The following ATP8A2 variants were observed in gnomAD, a reference collection of about 807,000 sequenced individuals.
The protein encoded by ATP8A2 is phospholipid-transporting ATPase IB.
ATP8A2 carries 100 observed loss-of-function variants against 165.6 expected under a neutral mutation model. That is an observed-to-expected ratio of 0.60 (90% CI 0.51 to 0.71). The LOEUF is 0.71. Among genes scored for constraint, ATP8A2 ranks in the 30% least tolerant of loss-of-function variants. The probability of loss-of-function intolerance (pLI) is 0.00; values close to 1 mark genes in which losing one functional copy is unlikely to be tolerated. For synonymous variants in ATP8A2, 543 were observed against 548.8 expected, an observed-to-expected ratio of 0.99 and a Z score of 0.15; for missense variants, 1,227 against 1,479.5, an observed-to-expected ratio of 0.83 and a Z score of 2.80.
intron 35 of ATP8A2, among the ~76,000 whole-genome samples, chr13:25,983,999 G>A (rs1472794983): frequency 2.0e-5 from 3 of 151,826 alleles, no homozygotes; most frequent in Admixed American, 6.6e-5. Flanking sequence ...TTGGGAGGCC[G>A]AGGCAGGAGA....
At chr13:25,872,279 G>T (rs1364101282) in intron 33 of ATP8A2, among the ~76,000 whole-genome samples, 1 of 151,910 alleles carries the variant, frequency 6.6e-6, no homozygotes, top group Non-Finnish European at 1.5e-5. Context: ...TTTGCTGCTG[G>T]GTCTCTTATA....
intron 33 of ATP8A2, among the ~76,000 whole-genome samples, chr13:25,931,370 C>T (rs1382565971): frequency 6.6e-6 from 1 of 152,174 alleles, no homozygotes; most frequent in South Asian, 2.1e-4. Context: ...AATCTGAGCT[C>T]CAAAATACCT....
chr13:25,626,863 C>T (rs1343338673), intron 24 of ATP8A2, among the ~76,000 whole-genome samples: 1 of 152,074 alleles, frequency 6.6e-6, no homozygotes, highest in East Asian at 1.9e-4. Context: ...TCTTACATGG[C>T]AGCAGGCAAA....
At chr13:25,986,339 A>T (rs1426080315) in intron 35 of ATP8A2, among the ~76,000 whole-genome samples, 1 of 152,250 alleles carries the variant, frequency 6.6e-6, no homozygotes, top group African/African-American at 2.4e-5. Flanking sequence ...CTGAAAGGTT[A>T]TACCTTTGGC....
intron 25 of ATP8A2, among the ~76,000 whole-genome samples, chr13:25,742,017 A>T (rs2043924065): frequency 6.6e-6 from 1 of 152,242 alleles, no homozygotes; most frequent in Admixed American, 6.5e-5. Context: ...ATGGGGATAC[A>T]TTCTGAGATA....
intron 6 of ATP8A2, among the ~76,000 whole-genome samples, chr13:25,537,206 C>T (rs2038313883): frequency 6.6e-6 from 1 of 152,128 alleles, no homozygotes; most frequent in South Asian, 2.1e-4. Flanking sequence ...GATCCTTTTT[C>T]TGGGAATTTC....
intron 24 of ATP8A2, among the ~76,000 whole-genome samples, chr13:25,625,287 G>A (rs1158464544): frequency 3.3e-5 from 5 of 152,184 alleles, no homozygotes; most frequent in Non-Finnish European, 5.9e-5. Flanking sequence ...AAGAACAAAT[G>A]CAGTTTTTGA....
intron 24 of ATP8A2, among the ~76,000 whole-genome samples, chr13:25,643,637 A>G (rs924822353): frequency 6.6e-6 from 1 of 151,908 alleles, no homozygotes; most frequent in Non-Finnish European, 1.5e-5. Context: ...TTGTGTGAGT[A>G]TCATGTTGTT....
intron 30 of ATP8A2, among the ~76,000 whole-genome samples, chr13:25,859,563 GAA>G (rs71665615): frequency 0.016 from 2,139 of 130,190 alleles, 45 homozygotes; most frequent in African/African-American, 0.051. Flanking sequence ...TCCTTGAAAA[GAA>G]AAAAAAAAAA....
In ATP8A2 at chr13:25,745,064, C is replaced by T. The variant is rs182179194; in HGVS notation, c.2385-23982C>T. On this transcript the variant is annotated intron_variant, in intron 25 of 36. Transcript: ENST00000381655. ...CAAGCCGTTCTCCTGCCTCAGCCTC[C>T]CGAGTAGCTGGGACTACAGGCGCCT... Among the ~76,000 whole-genome samples the T allele has an allele frequency of 2.2e-3, 332 of 152,258 alleles. 1 individual carries two copies. The highest frequency in any genetic ancestry group is 3.2e-3 in the Admixed American group (49 of 15,292).
chr13:25,580,283 G>C (rs1054071868), intron 22 of ATP8A2, among the ~76,000 whole-genome samples: 1 of 152,216 alleles, frequency 6.6e-6, no homozygotes, highest in Non-Finnish European at 1.5e-5. Context: ...TGCTGTGGAG[G>C]CTGGTTAGAT....
At chr13:25,447,024 A>C (rs1339926860) in intron 1 of ATP8A2, among the ~76,000 whole-genome samples, 1 of 152,148 alleles carries the variant, frequency 6.6e-6, no homozygotes, top group Non-Finnish European at 1.5e-5. Flanking sequence ...CCTGGCCTTA[A>C]ACCTAGTTCT....
In ATP8A2 at chr13:25,494,939, A is replaced by G. The variant is rs150388258; in HGVS notation, c.221+25818A>G. ...TGCTGGCTAGCAGCCCTTGGGTGACAGCTTGCTTTCTTTTCACATCTCTTG... is the reference window on the plus strand; with the variant it reads ...TGCTGGCTAGCAGCCCTTGGGTGACGGCTTGCTTTCTTTTCACATCTCTTG... On this transcript the variant is annotated intron_variant, in intron 2 of 36. Transcript: ENST00000381655. 2.6e-5 allele frequency among the ~76,000 whole-genome samples: 4 copies of G among 152,248 alleles called. No individual in the cohort carries two copies. In the East Asian group the frequency reaches 7.7e-4, roughly 29 times the overall value.
At chr13:25,418,341 G>A (rs1037604129) in intron 1 of ATP8A2, among the ~76,000 whole-genome samples, 6 of 152,096 alleles carry the variant, frequency 3.9e-5, no homozygotes, top group Non-Finnish European at 7.3e-5. Context: ...ATAAATGGCA[G>A]TACCCTATAG....
intron 21 of ATP8A2, 64 bp downstream of exon 21, chr13:25,578,963 G>T: frequency 9.1e-7 from 1 of 1,098,086 alleles, no homozygotes; most frequent in South Asian, 1.2e-5. Context: ...ATGTTGTCTT[G>T]ATTTCCAGGG....
At chr13:25,488,323 G>A (rs183823753) in intron 2 of ATP8A2, among the ~76,000 whole-genome samples, 2 of 152,102 alleles carry the variant, frequency 1.3e-5, no homozygotes, top group African/African-American at 2.4e-5. Flanking sequence ...ACAACTCCCT[G>A]TTCTTCCTCC....
At chr13:25,513,837 A>G (rs1386535698) in intron 2 of ATP8A2, among the ~76,000 whole-genome samples, 1 of 152,186 alleles carries the variant, frequency 6.6e-6, no homozygotes, top group Non-Finnish European at 1.5e-5. Context: ...CGCGCCTGCA[A>G]TCGCAGGCAC....
chr13:25,409,341 G>C (rs1391138930), intron 1 of ATP8A2, among the ~76,000 whole-genome samples: 1 of 152,064 alleles, frequency 6.6e-6, no homozygotes, highest in Non-Finnish European at 1.5e-5. Flanking sequence ...TGTTGAAGCA[G>C]GAAAAATAGA....
At chr13:25,724,344 G>A (rs895193071) in intron 25 of ATP8A2, among the ~76,000 whole-genome samples, 2 of 152,198 alleles carry the variant, frequency 1.3e-5, no homozygotes, top group African/African-American at 4.8e-5. Flanking sequence ...TCACTAACAA[G>A]CGGTAGAAAT....
Sources: allele counts gnomAD v4.1 joint callset (sites outside exome capture counted in the v4.1 genomes callset), GRCh38; gene constraint gnomAD v4.1.1; transcripts MANE v1.5; gene names NCBI Gene and HGNC (gene_info 2026-07-23, HGNC 2026-07-21).